The following CHIC2 variants were observed in gnomAD, a reference collection of about 807,000 sequenced individuals.
The protein encoded by CHIC2 is cysteine-rich hydrophobic domain-containing protein 2.
Under a neutral mutation model 25.9 loss-of-function variants are expected in CHIC2, and 14 were observed. The ratio of observed to expected loss-of-function variants is 0.54; its 90% CI spans 0.36 to 0.85. CHIC2 has a LOEUF of 0.85. Among genes scored for constraint, CHIC2 ranks in the 40% least tolerant of loss-of-function variants. The probability of loss-of-function intolerance (pLI) is 0.01; values close to 1 mark genes in which losing one functional copy is unlikely to be tolerated. For synonymous variants in CHIC2, 70 were observed against 72.0 expected, an observed-to-expected ratio of 0.97 and a Z score of 0.14; for missense variants, 146 against 202.0, an observed-to-expected ratio of 0.72 and a Z score of 1.68.
intron 1 of CHIC2, chr4:54,059,690 A>G (rs996710882): frequency 3.3e-5 from 5 of 152,222 alleles, no homozygotes; most frequent in Non-Finnish European, 2.9e-5. Flanking sequence ...GTATTCTATT[A>G]TAGAACATTG....
intron 3 of CHIC2, among the ~76,000 whole-genome samples, chr4:54,026,728 GTCT>G (rs921172166): frequency 2.0e-5 from 3 of 151,956 alleles, no homozygotes; most frequent in African/African-American, 4.8e-5. Context: ...GACAGTTTTT[GTCT>G]TTTAAGTTTC....
At chr4:54,072,789 G>A in the CHIC2 span, among the ~76,000 whole-genome samples, 1 of 152,024 alleles carries the variant, frequency 6.6e-6, no homozygotes, top group Non-Finnish European at 1.5e-5. Flanking sequence ...TAAGATGTGC[G>A]CGTCTGGGCG....
At chr4:54,076,765 T>C in the CHIC2 span, 2 of 152,352 alleles carry the variant, frequency 1.3e-5, no homozygotes, top group South Asian at 2.1e-4. Flanking sequence ...AAAGCAGATA[T>C]ATGTAGATTT....
intron 5 of CHIC2, among the ~76,000 whole-genome samples, chr4:54,011,146 T>A (rs1327929553): frequency 6.6e-6 from 1 of 152,154 alleles, no homozygotes; most frequent in Non-Finnish European, 1.5e-5. Context: ...TCAGAAACTG[T>A]GTCTTGCTTG....
intron 3 of CHIC2, among the ~76,000 whole-genome samples, chr4:54,020,244 G>C (rs374758383): frequency 1.4e-4 from 22 of 152,216 alleles, no homozygotes; most frequent in African/African-American, 5.3e-4. Context: ...ACTGATCAAC[G>C]TGCTTTGTAA....
chr4:54,087,519 A>C, the CHIC2 span: 6 of 1,147,470 alleles, frequency 5.2e-6, no homozygotes, highest in Non-Finnish European at 7.0e-6. Context: ...CAGCTGCTCT[A>C]CAAATTTGAG....
chr4:54,059,226 A>G (rs566616367), intron 1 of CHIC2, among the ~76,000 whole-genome samples: 191 of 152,292 alleles, frequency 1.3e-3, no homozygotes, highest in Non-Finnish European at 2.0e-3. Context: ...ACTATATGGA[A>G]TAAGAAAAAT....
intron 1 of CHIC2, among the ~76,000 whole-genome samples, chr4:54,055,237 T>C (rs1340252972): frequency 6.6e-6 from 1 of 152,048 alleles, no homozygotes; most frequent in Non-Finnish European, 1.5e-5. Context: ...GCCTCCCGTG[T>C]AGCTGGGATT....
chr4:54,078,128 A>G, the CHIC2 span, among the ~76,000 whole-genome samples: 3 of 152,230 alleles, frequency 2.0e-5, no homozygotes, highest in African/African-American at 4.8e-5. Flanking sequence ...GTGCTTACTA[A>G]TAGAGGTTTC....
chr4:54,014,192 G>A, intron 3 of CHIC2, 73 bp from the exon 4 acceptor site: 1 of 1,241,666 alleles, frequency 8.1e-7, no homozygotes, highest in South Asian at 1.3e-5. Flanking sequence ...TGCTTTTTCT[G>A]TGAAAAGGGG....
chr4:54,069,298 A>T (rs1426430310), upstream of CHIC2, among the ~76,000 whole-genome samples: 4 of 152,144 alleles, frequency 2.6e-5, no homozygotes, highest in Non-Finnish European at 5.9e-5. Context: ...AAAAGTACTG[A>T]GATTATAGGC....
intron 3 of CHIC2, among the ~76,000 whole-genome samples, chr4:54,028,627 A>C (rs1301597410): frequency 2.0e-5 from 3 of 152,246 alleles, no homozygotes; most frequent in Non-Finnish European, 4.4e-5. Flanking sequence ...GAATGTATGT[A>C]ATGTGCCTTG....
chr4:54,012,197 CT>C (rs1252901559), intron 5 of CHIC2, among the ~76,000 whole-genome samples: 1 of 151,906 alleles, frequency 6.6e-6, no homozygotes, highest in Non-Finnish European at 1.5e-5. Flanking sequence ...AGTGATCCTG[CT>C]GCCTCAGCCT....
At chr4:54,018,735 G>A (rs1306543119) in intron 3 of CHIC2, among the ~76,000 whole-genome samples, 1 of 151,958 alleles carries the variant, frequency 6.6e-6, no homozygotes, top group Non-Finnish European at 1.5e-5. Flanking sequence ...AATATGCTAT[G>A]ATATGCTAAT....
At chr4:54,075,791 G>GC in the CHIC2 span, among the ~76,000 whole-genome samples, 1 of 152,046 alleles carries the variant, frequency 6.6e-6, no homozygotes, top group Non-Finnish European at 1.5e-5. Context: ...TGACCTCAAG[G>GC]CCCGCCTCGG....
intron 3 of CHIC2, among the ~76,000 whole-genome samples, chr4:54,038,438 A>G (rs1716459181): frequency 1.3e-5 from 2 of 152,220 alleles, no homozygotes; most frequent in African/African-American, 4.8e-5. Flanking sequence ...TCTATATGCT[A>G]CGCAAAAAAC....
chr4:54,087,098 G>A, the CHIC2 span: 481 of 987,074 alleles, frequency 4.9e-4, 2 homozygotes, highest in Middle Eastern at 2.0e-3. Flanking sequence ...GAAGATGTGG[G>A]GTCGCTCTGC....
intron 3 of CHIC2, among the ~76,000 whole-genome samples, chr4:54,029,326 C>T (rs1290167413): frequency 6.6e-6 from 1 of 152,054 alleles, no homozygotes; most frequent in Non-Finnish European, 1.5e-5. Context: ...ACATCCTCTG[C>T]ACAAGAAAGA....
chr4:54,023,567 C>T (rs1228137576), intron 3 of CHIC2, among the ~76,000 whole-genome samples: 1 of 152,132 alleles, frequency 6.6e-6, no homozygotes, highest in Non-Finnish European at 1.5e-5. Flanking sequence ...TTGACATTCA[C>T]TCCATTTCCC....
Sources: allele counts gnomAD v4.1 joint callset (sites outside exome capture counted in the v4.1 genomes callset), GRCh38; gene constraint gnomAD v4.1.1; transcripts MANE v1.5; gene names NCBI Gene and HGNC (gene_info 2026-07-23, HGNC 2026-07-21).